AGBL4: variants seen among roughly 807,000 people sequenced by gnomAD.
AGBL4 encodes the protein cytosolic carboxypeptidase 6.
In AGBL4, 58 loss-of-function variants were observed where a neutral mutation model predicts 66.4. The observed-to-expected ratio is 0.87, with a 90% CI of 0.71 to 1.09. AGBL4 has a LOEUF of 1.09. AGBL4 is among the 50% of genes least tolerant of loss of function. The probability of loss-of-function intolerance (pLI) is 0.00; values close to 1 mark genes in which losing one functional copy is unlikely to be tolerated. For missense variants in AGBL4, 579 were observed against 631.0 expected, an observed-to-expected ratio of 0.92 and a Z score of 0.88; for synonymous variants, 234 against 222.9, an observed-to-expected ratio of 1.05 and a Z score of -0.44.
At chr1:49,393,749 A>T (rs1015148943) in intron 3 of AGBL4, among the ~76,000 whole-genome samples, 1 of 152,204 alleles carries the variant, frequency 6.6e-6, no homozygotes, top group Admixed American at 6.5e-5. Context: ...CACTAAGTGC[A>T]TAGAGCTGTG....
chr1:49,751,883 C>A (rs1651497604), intron 2 of AGBL4, among the ~76,000 whole-genome samples: 5 of 151,428 alleles, frequency 3.3e-5, no homozygotes. Flanking sequence ...TTAGAGTATT[C>A]TCTGATGGTA....
intron 3 of AGBL4, among the ~76,000 whole-genome samples, chr1:49,534,516 G>GT (rs1297865326): frequency 6.6e-6 from 1 of 152,194 alleles, no homozygotes; most frequent in African/African-American, 2.4e-5. Flanking sequence ...TCAGTCAAGT[G>GT]TTTGCAAGTA....
At chr1:49,856,341 C>A (rs527251524) in intron 1 of AGBL4, among the ~76,000 whole-genome samples, 1 of 152,148 alleles carries the variant, frequency 6.6e-6, no homozygotes, top group East Asian at 1.9e-4. Context: ...AATTCTCAAA[C>A]TATTCCAAAA....
At chr1:49,953,858 A>G (rs570083268) in intron 1 of AGBL4, among the ~76,000 whole-genome samples, 2 of 152,060 alleles carry the variant, frequency 1.3e-5, no homozygotes, top group South Asian at 2.1e-4. Flanking sequence ...TTAATAATAA[A>G]ACCCCATTTA....
chr1:48,766,375 A>G (rs1644530667), intron 6 of AGBL4, among the ~76,000 whole-genome samples: 5 of 152,228 alleles, frequency 3.3e-5, no homozygotes. Flanking sequence ...GCCAGAATAA[A>G]TACTGAATGA....
intron 3 of AGBL4, among the ~76,000 whole-genome samples, chr1:49,569,609 T>C (rs1644286106): frequency 2.0e-5 from 3 of 152,216 alleles, no homozygotes; most frequent in Admixed American, 1.3e-4. Flanking sequence ...TATAAATTTA[T>C]TGGGTACAAA....
At chr1:49,371,286 T>TACATACATAC (rs1491563540) in intron 3 of AGBL4, among the ~76,000 whole-genome samples, 4 of 145,720 alleles carry the variant, frequency 2.7e-5, no homozygotes, top group African/African-American at 1.0e-4. Context: ...CATACATACA[T>TACATACATAC]ACACACACAC....
intron 3 of AGBL4, among the ~76,000 whole-genome samples, chr1:49,315,863 T>C (rs1450225943): frequency 1.3e-5 from 2 of 152,124 alleles, no homozygotes; most frequent in African/African-American, 4.8e-5. Context: ...GCAACCAAGA[T>C]GTCCTTCAAT....
chr1:49,016,126 T>C (rs1222983390), intron 5 of AGBL4, among the ~76,000 whole-genome samples: 1 of 152,130 alleles, frequency 6.6e-6, no homozygotes, highest in Non-Finnish European at 1.5e-5. Context: ...ATTCCCTTCA[T>C]GTGGGTGTTA....
intron 1 of AGBL4, among the ~76,000 whole-genome samples, chr1:50,008,736 C>A (rs1661317880): frequency 6.6e-6 from 1 of 151,508 alleles, no homozygotes; most frequent in Non-Finnish European, 1.5e-5. Context: ...TTTGAAAAGA[C>A]AAACAAAACT....
chr1:49,784,944 A>G (rs1644417307), intron 2 of AGBL4, among the ~76,000 whole-genome samples: 1 of 152,098 alleles, frequency 6.6e-6, no homozygotes, highest in Non-Finnish European at 1.5e-5. Flanking sequence ...CTGCCAAGCA[A>G]ATAATAGCAT....
chr1:49,161,872 G>A lies in AGBL4; in HGVS notation c.377+83898C>T, dbSNP rs538659705. On this transcript the variant is annotated intron_variant, in intron 4 of 13. Transcript: ENST00000371839. ...CTCTCAGGATCATGCCTCTTGGGAA[G>A]GAGCCATTTGAGAACCACTTTTTAA... Among the ~76,000 whole-genome samples the A allele has an allele frequency of 3.9e-5, 6 of 152,264 alleles. No individual in the cohort carries two copies. The East Asian group carries it at 1.2e-3, about 29-fold the overall frequency.
chr1:49,006,531 C>G (rs1300507785), intron 5 of AGBL4, among the ~76,000 whole-genome samples: 1 of 152,200 alleles, frequency 6.6e-6, no homozygotes, highest in African/African-American at 2.4e-5. Flanking sequence ...CACCACAGCT[C>G]AAGGAGGCTT....
chr1:49,745,563 G>T (rs2147820886), intron 2 of AGBL4, among the ~76,000 whole-genome samples: 1 of 151,846 alleles, frequency 6.6e-6, no homozygotes, highest in South Asian at 2.1e-4. Context: ...GATAAGAGAA[G>T]ACCACTCTAT....
chr1:49,902,773 A>G (rs1649894283), intron 1 of AGBL4, among the ~76,000 whole-genome samples: 1 of 152,140 alleles, frequency 6.6e-6, no homozygotes, highest in African/African-American at 2.4e-5. Flanking sequence ...AACAAACCAG[A>G]GAAATGCAAA....
At chr1:48,552,681 G>A (rs1644266383) in intron 11 of AGBL4, among the ~76,000 whole-genome samples, 1 of 152,120 alleles carries the variant, frequency 6.6e-6, no homozygotes, top group South Asian at 2.1e-4. Context: ...CACTCCCTGG[G>A]GCAAACACAC....
At chr1:49,061,893 C>T (rs547162140) in intron 4 of AGBL4, among the ~76,000 whole-genome samples, 2 of 152,078 alleles carry the variant, frequency 1.3e-5, no homozygotes, top group African/African-American at 4.8e-5. Flanking sequence ...AGGAGCCTAC[C>T]AACACTTAAC....
rs140580242 is a variant in AGBL4 at position 49,889,082 on chromosome 1, T to A, written c.35-37564A>T. Among the ~76,000 whole-genome samples, 224 of 152,344 alleles carry A rather than the reference T, an allele frequency of 1.5e-3. 4 individuals carry two copies. Among genetic ancestry groups the A allele is most frequent in the African/African-American group, 5.2e-3 (217 of 41,584 alleles). On this transcript the variant is annotated intron_variant, in intron 1 of 13. Coordinates refer to ENST00000371839, the MANE Select transcript of AGBL4 (RefSeq NM_032785.4). The stretch of plus-strand genomic sequence containing the variant: ...ATTAAAGAATAATTAAATAACAAAC[T>A]ACATACTACACAAGATTAGAGATGA...
At chr1:49,942,874 A>G (rs1261305998) in intron 1 of AGBL4, among the ~76,000 whole-genome samples, 1 of 152,188 alleles carries the variant, frequency 6.6e-6, no homozygotes, top group African/African-American at 2.4e-5. Context: ...GAGACAACCT[A>G]TAGAATACAA....
Sources: gnomAD v4.1 joint callset for allele counts (sites outside exome capture counted in the v4.1 genomes callset) on GRCh38, gnomAD v4.1.1 for gene constraint, MANE v1.5 for transcripts, NCBI Gene and HGNC (gene_info 2026-07-23, HGNC 2026-07-21) for gene names.